SEH1L: variants seen among roughly 807,000 people sequenced by gnomAD.
SEH1L encodes the protein nucleoporin SEH1.
Under a neutral mutation model 49.5 loss-of-function variants are expected in SEH1L, and 18 were observed. The ratio of observed to expected loss-of-function variants is 0.36; its 90% CI spans 0.25 to 0.54. The LOEUF is 0.54. Among genes scored for constraint, SEH1L ranks in the 20% least tolerant of loss-of-function variants. The pLI is 0.87. For missense variants in SEH1L, 404 were observed against 528.8 expected, an observed-to-expected ratio of 0.76 and a Z score of 2.31; for synonymous variants, 169 against 178.1, an observed-to-expected ratio of 0.95 and a Z score of 0.41.
In SEH1L at chr18:12,971,419, A is replaced by G. The variant is rs570988392; in HGVS notation, c.620+168A>G. 3.6e-4 allele frequency: 172 copies of G among 477,720 alleles called. 1 individual carries two copies. In the South Asian group the frequency reaches 3.8e-3, roughly 11 times the overall value. 29.6% of individuals were successfully genotyped at this position (477,720 alleles called of 1,614,324 possible). A position where few individuals can be genotyped will look rare whatever the true frequency, so the allele number is the denominator to read the frequency against. ...TGTGATAGCACAGGCATGAGTGATA[A>G]AGAGGAGAAAGTAGACCAGCCTGGC... is the stretch of plus-strand genomic sequence containing the variant. On this transcript the variant is annotated intron_variant, in intron 5 of 8. Transcript: ENST00000399892.
At chr18:12,979,691 CG>C (rs1164911081) in intron 6 of SEH1L, among the ~76,000 whole-genome samples, 3 of 147,962 alleles carry the variant, frequency 2.0e-5, no homozygotes, top group African/African-American at 5.0e-5. Context: ...GCTGGCTGGG[CG>C]GGGGGCTGAC....
In SEH1L at chr18:12,955,518, T is replaced by C. The variant is rs771447423; in HGVS notation, c.218T>C (p.Val73Ala). Residue 73 changes from valine to alanine, a missense_variant, in exon 3 of 9, where the codon GTT (valine) becomes GCT (alanine). Val to Ala is a moderately conservative substitution (Grantham distance 64). Transcript: ENST00000399892. ...TGGGCCCATCCTGAATTTGGGCAGG[T>C]TTTGGCTTCCTGTTCTTTTGACCGA... ...VTWAHPEFGQ[V>A]LASCSFDRTA... 1 of 1,613,858 alleles carries C rather than the reference T, an allele frequency of 6.2e-7. No individual in the cohort carries two copies. The highest frequency in any genetic ancestry group is 2.2e-5 in the East Asian group (1 of 44,868).
chr18:12,968,159 A>G (rs1292004297), intron 4 of SEH1L, among the ~76,000 whole-genome samples: 1 of 152,156 alleles, frequency 6.6e-6, no homozygotes, highest in Non-Finnish European at 1.5e-5. Flanking sequence ...TACTGCTATT[A>G]GAGCAAACTG....
At chr18:12,952,802 G>A (rs1412065869) in intron 2 of SEH1L, among the ~76,000 whole-genome samples, 42 of 108,976 alleles carry the variant, frequency 3.9e-4, no homozygotes, top group African/African-American at 9.2e-4. Context: ...TTTTTTTTGA[G>A]CTGGCGTCTT....
intron 3 of SEH1L, among the ~76,000 whole-genome samples, chr18:12,962,597 A>T (rs1047292775): frequency 2.0e-5 from 3 of 148,206 alleles, no homozygotes; most frequent in Non-Finnish European, 3.0e-5. Flanking sequence ...CCTCCGGAAT[A>T]GCTGGGGCCA....
intron 4 of SEH1L, among the ~76,000 whole-genome samples, chr18:12,968,401 G>A (rs2031545827): frequency 6.6e-6 from 1 of 152,178 alleles, no homozygotes; most frequent in South Asian, 2.1e-4. Flanking sequence ...CCCTTTCCCT[G>A]TTGGTTTTGG....
At chr18:12,978,930 T>C (rs1568227581) in intron 6 of SEH1L, 38 bp downstream of exon 6, 3 of 1,598,286 alleles carry the variant, frequency 1.9e-6, no homozygotes, top group Middle Eastern at 3.3e-4. Context: ...GAAAATACTC[T>C]TGCCTTCTGA....
At chr18:12,948,996 C>T (rs2030312432) in intron 1 of SEH1L, among the ~76,000 whole-genome samples, 1 of 151,496 alleles carries the variant, frequency 6.6e-6, no homozygotes, top group Non-Finnish European at 1.5e-5. Flanking sequence ...ATTACAGGTG[C>T]ACGCCACCAC....
chr18:12,974,400 C>T (rs934496630), intron 5 of SEH1L: 3 of 152,246 alleles, frequency 2.0e-5, no homozygotes, highest in African/African-American at 7.2e-5. Context: ...CTGCCTCAGC[C>T]TCCCCGGTAG....
rs1195626011 is a variant in SEH1L at position 12,948,203 on chromosome 18, G to A, written c.82G>A (p.Ala28Thr). ...TTTCGACTTCCACGGGCGGCGGATG[G>A]CAACCTGCTCCAGCGATCAGAGCGT... ...VSFDFHGRRM[A>T]TCSSDQSVKV... is the part of the protein sequence containing the mutation. The change falls in exon 1 of 9, where the codon GCA (alanine) becomes ACA (threonine). Residue 28 changes from alanine to threonine, a missense_variant. Transcript: ENST00000399892. 6.2e-7 allele frequency: 1 copy of A among 1,611,752 alleles called. No individual in the cohort carries two copies. The highest frequency in any genetic ancestry group is 8.5e-7 in the Non-Finnish European group (1 of 1,179,264).
chr18:12,982,805 GTTATTT>G, intron 7 of SEH1L, 130 bp downstream of exon 7: 1 of 698,202 alleles, frequency 1.4e-6, no homozygotes, highest in East Asian at 2.9e-5. Flanking sequence ...ATTAATTTAT[GTTATTT>G]TGAACATCAG....
chr18:12,962,377 G>GAA (rs540878226), intron 3 of SEH1L, among the ~76,000 whole-genome samples: 1 of 70,880 alleles, frequency 1.4e-5, no homozygotes. Flanking sequence ...CTGTCCCTAA[G>GAA]AAAAAAAAAA....
chr18:12,960,518 T>A (rs903223323), intron 3 of SEH1L, among the ~76,000 whole-genome samples: 4 of 152,236 alleles, frequency 2.6e-5, no homozygotes, highest in African/African-American at 9.6e-5. Context: ...TTAATTCCGG[T>A]AGCTTTGTAG....
chr18:12,968,593 T>C (rs1048018445), intron 4 of SEH1L, among the ~76,000 whole-genome samples: 4 of 152,204 alleles, frequency 2.6e-5, no homozygotes, highest in Admixed American at 1.3e-4. Flanking sequence ...ACGGACTCTT[T>C]TTTCCTTTGT....
intron 1 of SEH1L, among the ~76,000 whole-genome samples, chr18:12,949,643 C>T (rs1348931937): frequency 6.6e-6 from 1 of 151,652 alleles, no homozygotes; most frequent in Non-Finnish European, 1.5e-5. Flanking sequence ...TTAGTAGAGA[C>T]AGGGTTTCAC....
chr18:12,956,755 G>A (rs1377583431), intron 3 of SEH1L, among the ~76,000 whole-genome samples: 2 of 150,554 alleles, frequency 1.3e-5, no homozygotes, highest in South Asian at 2.1e-4. Context: ...AGTGCTGATA[G>A]TTGGAGAGTT....
chr18:12,954,720 A>C (rs2030749312), intron 2 of SEH1L, among the ~76,000 whole-genome samples: 1 of 152,198 alleles, frequency 6.6e-6, no homozygotes, highest in Non-Finnish European at 1.5e-5. Context: ...TGCCCACCTC[A>C]GCCCCCTAAA....
intron 1 of SEH1L, among the ~76,000 whole-genome samples, chr18:12,950,241 G>A (rs2030437483): frequency 6.6e-6 from 1 of 151,980 alleles, no homozygotes. Context: ...TTGCTGCGTT[G>A]CCCAGGCTAG....
chr18:12,984,701 T>C (rs1598985358), intron 8 of SEH1L: 1 of 153,954 alleles, frequency 6.5e-6, no homozygotes. Flanking sequence ...TTAGAATATT[T>C]AGCATATGTT....
Sources: gnomAD v4.1 joint callset for allele counts (sites outside exome capture counted in the v4.1 genomes callset) on GRCh38, gnomAD v4.1.1 for gene constraint, MANE v1.5 for transcripts, NCBI Gene and HGNC (gene_info 2026-07-23, HGNC 2026-07-21) for gene names.